Variants in DIP2A observed in about 807,000 individuals in gnomAD.
The protein encoded by DIP2A is disco-interacting protein 2 homolog A.
In DIP2A, 85 loss-of-function variants were observed where a neutral mutation model predicts 177.4. That is an observed-to-expected ratio of 0.48 (90% confidence interval 0.40 to 0.57). The LOEUF is 0.57. Ranked by LOEUF, DIP2A falls within the 20% of genes least tolerant of loss-of-function variation. DIP2A has a pLI of 0.00. For synonymous variants in DIP2A, 886 were observed against 881.8 expected, an observed-to-expected ratio of 1.00 and a Z score of -0.08; for missense variants, 1,791 against 2,100.2, an observed-to-expected ratio of 0.85 and a Z score of 2.88.
In DIP2A at chr21:46,530,832, A is replaced by G. The variant is rs534148084; in HGVS notation, c.1195-1295A>G. The stretch of plus-strand genomic sequence containing the variant: ...AGCTTTCAGGGGAAAAGTAGGATGT[A>G]CACAAAGGATTGGCAATGACAGTGG... On this transcript the variant is annotated intron_variant, in intron 9 of 37. Transcript: ENST00000417564. 2.6e-4 allele frequency among the ~76,000 whole-genome samples: 40 copies of G among 152,316 alleles called. 2 individuals are homozygous for G. In the South Asian group the frequency reaches 7.5e-3, roughly 28 times the overall value.
intron 8 of DIP2A, among the ~76,000 whole-genome samples, chr21:46,527,216 A>G (rs1410887739): frequency 6.6e-6 from 1 of 151,698 alleles, no homozygotes; most frequent in Non-Finnish European, 1.5e-5. Context: ...GTCATGATGC[A>G]TTATTCTTTT....
Position 46,504,428 on chromosome 21 carries a change from G to T in DIP2A, c.723G>T (p.Gln241His). ...LVEHSYFERPQVASVRSVPRG... is the reference protein window; with the variant it reads ...LVEHSYFERPHVASVRSVPRG... ...AGCATTCGTACTTTGAGCGTCCACAGGTGGCTTCTGTGAGAAGTGTTCCTC... is the reference window on the plus strand; with the variant it reads ...AGCATTCGTACTTTGAGCGTCCACATGTGGCTTCTGTGAGAAGTGTTCCTC... Residue 241 changes from glutamine (Q) to histidine (H), a missense_variant, in exon 6 of 38, where the codon CAG becomes CAT. Gln to His is a conservative substitution (Grantham distance 24). Coordinates refer to ENST00000417564, the MANE Select transcript of DIP2A (RefSeq NM_015151.4). 8.7e-6 allele frequency: 14 copies of T among 1,613,902 alleles called. No homozygotes were observed. The highest frequency in any genetic ancestry group is 1.2e-5 in the Non-Finnish European group (14 of 1,179,848).
At chr21:46,503,051 G>A (rs560278746) in intron 5 of DIP2A, among the ~76,000 whole-genome samples, 4 of 152,106 alleles carry the variant, frequency 2.6e-5, no homozygotes, top group South Asian at 2.1e-4. Context: ...GGCCAGGCGC[G>A]GTGGATCACA....
chr21:46,488,801 C>A (rs1161133954), intron 2 of DIP2A, among the ~76,000 whole-genome samples: 4 of 152,154 alleles, frequency 2.6e-5, no homozygotes, highest in Non-Finnish European at 4.4e-5. Flanking sequence ...AAAAATATAT[C>A]TACTCCTTCA....
intron 2 of DIP2A, among the ~76,000 whole-genome samples, chr21:46,485,358 G>A (rs1003718885): frequency 8.5e-5 from 13 of 152,268 alleles, no homozygotes; most frequent in Admixed American, 7.8e-4. Flanking sequence ...GGCCCAACCA[G>A]GATATGAAGA....
intron 9 of DIP2A, among the ~76,000 whole-genome samples, chr21:46,531,918 T>C (rs944384987): frequency 1.2e-4 from 19 of 152,222 alleles, no homozygotes; most frequent in Non-Finnish European, 2.2e-4. Context: ...TCAGCACTTA[T>C]TGGTTATTCA....
At chr21:46,467,983 G>A (rs911145587) in intron 1 of DIP2A, among the ~76,000 whole-genome samples, 1 of 151,992 alleles carries the variant, frequency 6.6e-6, no homozygotes, top group African/African-American at 2.4e-5. Flanking sequence ...GAAAATTAGG[G>A]CTGGGTGCAG....
chr21:46,466,342 C>CTTTTTTTT (rs71187318), intron 1 of DIP2A, among the ~76,000 whole-genome samples: 4 of 89,572 alleles, frequency 4.5e-5, no homozygotes, highest in Non-Finnish European at 6.3e-5. Context: ...TACATTATAA[C>CTTTTTTTT]TTTTTTTTTT....
Position 46,545,263 on chromosome 21 carries a change from A to AT in DIP2A, c.2304dup (p.Val769CysfsTer3), listed in dbSNP as rs2059982181. 6.3e-7 allele frequency: 1 copy of AT among 1,597,140 alleles called. No individual in the cohort carries two copies. Among genetic ancestry groups the AT allele is most frequent in the Non-Finnish European group, 8.6e-7 (1 of 1,167,202 alleles). ...TATGGATTGCTTGGAATCACGAAGAATGTGTTTGAGGTTTGTCCCTTTTCC... is the reference window on the plus strand; with the variant it reads ...TATGGATTGCTTGGAATCACGAAGAATTGTGTTTGAGGTTTGTCCCTTTTCC... On this transcript the variant is annotated frameshift_variant, in exon 19 of 38. Transcript: ENST00000417564. LOFTEE classifies it high-confidence loss of function.
intron 18 of DIP2A, among the ~76,000 whole-genome samples, chr21:46,544,362 G>A (rs991407785): frequency 6.6e-6 from 1 of 152,204 alleles, no homozygotes; most frequent in African/African-American, 2.4e-5. Context: ...CAGACAGGTC[G>A]TTTGTCAGTA....
intron 8 of DIP2A, among the ~76,000 whole-genome samples, chr21:46,518,489 A>G (rs966815440): frequency 6.6e-6 from 1 of 152,188 alleles, no homozygotes; most frequent in African/African-American, 2.4e-5. Context: ...CTGATAACTA[A>G]ATAGATTGAG....
chr21:46,514,635 T>TG (rs2058479048), intron 8 of DIP2A, among the ~76,000 whole-genome samples: 1 of 137,622 alleles, frequency 7.3e-6, no homozygotes. Flanking sequence ...TTTTTTTTTT[T>TG]TTTTTGGTTT....
Position 46,554,230 on chromosome 21 carries a change from C to T in DIP2A, c.3092C>T (p.Ala1031Val), listed in dbSNP as rs368406906. The T allele has an allele frequency of 3.2e-5, 52 of 1,613,960 alleles. No homozygotes were observed. The African/African-American group carries it at 4.8e-4, about 15-fold the overall frequency. Reference protein sequence around the residue: ...QLHKRAERVAAALMEKGRLSV... With the variant: ...QLHKRAERVAVALMEKGRLSV... ...CACAAAAGGGCTGAGAGAGTGGCCG[C>T]GGCTCTGATGGAGAAGGGAAGACTG... The change falls in exon 26 of 38, where the codon GCG becomes GTG. Residue 1031 changes from alanine (A) to valine (V), a missense_variant. By Grantham distance (64) the Ala-to-Val change is moderately conservative. Transcript: ENST00000417564.
rs1481618588 is a variant in DIP2A at position 46,556,362 on chromosome 21, T to C, written c.3498+271T>C. ...GGAACTGGTGGCTTTGAAGAATCTC[T>C]TACCTTGCTGGGAGTCAATAGCTCA... On this transcript the variant is annotated intron_variant, in intron 29 of 37. Transcript: ENST00000417564. This position sits in a 1 kb window ranked among gnomAD's most constrained non-coding sequence, Gnocchi z 4.5. 1 of 1,415,184 alleles carries C rather than the reference T, an allele frequency of 7.1e-7. No homozygotes were observed. Among genetic ancestry groups the C allele is most frequent in the East Asian group, 3.6e-5 (1 of 28,016 alleles). 87.7% of individuals were successfully genotyped at this position (1,415,184 alleles called of 1,614,324 possible). A position where few individuals can be genotyped will look rare whatever the true frequency, so the allele number is the denominator to read the frequency against.
intron 3 of DIP2A, among the ~76,000 whole-genome samples, chr21:46,491,049 AT>A (rs2056986683): frequency 1.3e-5 from 2 of 152,112 alleles, no homozygotes; most frequent in South Asian, 4.1e-4. Context: ...GATACTAATA[AT>A]TTTTGTGCTT....
At chr21:46,496,004 G>A (rs2057338303) in intron 3 of DIP2A, among the ~76,000 whole-genome samples, 4 of 152,036 alleles carry the variant, frequency 2.6e-5, no homozygotes, top group South Asian at 2.1e-4. Flanking sequence ...CCCGGGAGGC[G>A]GAGATTGCAG....
intron 8 of DIP2A, among the ~76,000 whole-genome samples, chr21:46,528,454 GTGTATAGC>G (rs1240598266): frequency 7.5e-6 from 1 of 133,232 alleles, no homozygotes; most frequent in Non-Finnish European, 1.5e-5. Context: ...GTGTTTATAT[GTGTATAGC>G]TGTATATATA....
rs552541618 is a variant in DIP2A at position 46,567,802 on chromosome 21, T to C, written c.*180T>C. On this transcript the variant is annotated 3_prime_UTR_variant, in exon 38 of 38. Coordinates refer to ENST00000417564, the MANE Select transcript of DIP2A (RefSeq NM_015151.4). ...ACTTCCTGAATTATTTAAAGAAATATTTTGAATCTGCCAAGTACATTTACA... is the reference window on the plus strand; with the variant it reads ...ACTTCCTGAATTATTTAAAGAAATACTTTGAATCTGCCAAGTACATTTACA... 748 of 692,150 alleles carry C rather than the reference T, an allele frequency of 1.1e-3. No individual in the cohort carries two copies. The highest frequency in any genetic ancestry group is 1.3e-3 in the Non-Finnish European group (594 of 460,770). The allele number at this position is 692,150 out of a possible 1,614,324, so 42.9% of individuals were successfully genotyped here.
rs2060013369 is a variant in DIP2A at position 46,545,913 on chromosome 21, C to T, written c.2346C>T (p.Ile782=). The T allele has an allele frequency of 6.2e-7, 1 of 1,613,926 alleles. No homozygotes were observed. The highest frequency in any genetic ancestry group is 8.5e-7 in the Non-Finnish European group (1 of 1,179,912). The change falls in exon 20 of 38, where the codon ATC becomes ATT. Residue 782 remains isoleucine, a synonymous_variant. Coordinates refer to ENST00000417564, the MANE Select transcript of DIP2A (RefSeq NM_015151.4). The part of the protein sequence containing the change: ...AVPVTTGGAP[I]FDRPFTRTGL... ...CGGTCACCACAGGAGGAGCACCCATCTTTGACAGGCCATTCACCAGGACAG... is the reference window on the plus strand; with the variant it reads ...CGGTCACCACAGGAGGAGCACCCATTTTTGACAGGCCATTCACCAGGACAG...
Sources: gnomAD v4.1 joint callset for allele counts (sites outside exome capture counted in the v4.1 genomes callset) on GRCh38, gnomAD v4.1.1 for gene constraint, Gnocchi (gnomAD v3.1) non-coding constraint, MANE v1.5 for transcripts, NCBI Gene and HGNC (gene_info 2026-07-23, HGNC 2026-07-21) for gene names.